SYT16: variants seen among roughly 807,000 people sequenced by gnomAD.
SYT16 encodes the protein synaptotagmin-16.
Under a neutral mutation model 61.4 loss-of-function variants are expected in SYT16, and 42 were observed. The observed-to-expected ratio is 0.68, with a 90% CI of 0.53 to 0.89. The LOEUF (loss-of-function observed/expected upper bound fraction) is 0.89. Among genes scored for constraint, SYT16 ranks in the 40% least tolerant of loss-of-function variants. SYT16 has a pLI of 0.00. For missense variants in SYT16, 804 were observed against 807.3 expected, an observed-to-expected ratio of 1.00 and a Z score of 0.05; for synonymous variants, 314 against 302.3, an observed-to-expected ratio of 1.04 and a Z score of -0.40.
At chr14:62,081,657 G>A (rs2056712457) in intron 6 of SYT16, among the ~76,000 whole-genome samples, 1 of 152,182 alleles carries the variant, frequency 6.6e-6, no homozygotes, top group African/African-American at 2.4e-5. Flanking sequence ...TAACGGGTAT[G>A]CTGGGGCAGA....
chr14:62,044,546 G>A (rs1406188825), intron 3 of SYT16, among the ~76,000 whole-genome samples: 1 of 152,112 alleles, frequency 6.6e-6, no homozygotes, highest in East Asian at 1.9e-4. Flanking sequence ...GTGAGAACAT[G>A]AGGTGTTTGG....
Position 61,858,834 on chromosome 14 carries a change from TTTC to T in SYT16, c.-325+46027_-325+46029del, listed in dbSNP as rs1429015191. ...TTAATGAAAAGCAGCCCCAAATCAT[TTTC>T]TTTTTTCTTTTCTTTTCTTTTCTTT... On this transcript the variant is annotated intron_variant, in intron 1 of 7. Transcript: ENST00000683842. 7.8e-4 allele frequency among the ~76,000 whole-genome samples: 118 copies of T among 151,470 alleles called. 4 individuals carry two copies. The South Asian group carries it at 0.024, about 31-fold the overall frequency.
intron 1 of SYT16, among the ~76,000 whole-genome samples, chr14:61,961,067 G>T (rs189488770): frequency 6.6e-6 from 1 of 152,278 alleles, no homozygotes; most frequent in African/African-American, 2.4e-5. Context: ...CTAGCCATGT[G>T]CAGGAAATTA....
intron 1 of SYT16, among the ~76,000 whole-genome samples, chr14:61,813,666 C>T (rs1038774983): frequency 2.0e-5 from 3 of 151,884 alleles, no homozygotes; most frequent in African/African-American, 7.3e-5. Context: ...TTTGGGAGGC[C>T]GAGGCGGGAG....
intron 3 of SYT16, among the ~76,000 whole-genome samples, chr14:62,003,589 T>C (rs532875761): frequency 6.6e-6 from 1 of 152,172 alleles, no homozygotes; most frequent in South Asian, 2.1e-4. Context: ...TTTGTTGTTG[T>C]TTAAAGAGTG....
At chr14:61,883,686 A>G (rs914323750) in intron 1 of SYT16, among the ~76,000 whole-genome samples, 3 of 152,214 alleles carry the variant, frequency 2.0e-5, no homozygotes, top group African/African-American at 7.2e-5. Context: ...ATATCCTTGT[A>G]GTAGTACCCC....
At chr14:61,838,311 G>A (rs1594732465) in intron 1 of SYT16, among the ~76,000 whole-genome samples, 1 of 152,092 alleles carries the variant, frequency 6.6e-6, no homozygotes, top group East Asian at 1.9e-4. Flanking sequence ...ATAAATTTGG[G>A]ATGGGGCCCA....
At chr14:61,936,471 A>G (rs556801033) in intron 1 of SYT16, among the ~76,000 whole-genome samples, 2 of 152,222 alleles carry the variant, frequency 1.3e-5, no homozygotes, top group East Asian at 1.9e-4. Flanking sequence ...CAAGGCGGCT[A>G]ATGAGTTCAC....
chr14:62,068,957 G>A (rs372170076), intron 3 of SYT16, among the ~76,000 whole-genome samples: 17 of 151,962 alleles, frequency 1.1e-4, no homozygotes, highest in African/African-American at 4.1e-4. Context: ...CACCGTGCCT[G>A]GCTAATTTTT....
chr14:61,820,341 G>A (rs2045572351), intron 1 of SYT16, among the ~76,000 whole-genome samples: 1 of 152,146 alleles, frequency 6.6e-6, no homozygotes, highest in South Asian at 2.1e-4. Flanking sequence ...AGAGGCAAGA[G>A]GGTTTTGAGC....
intron 1 of SYT16, among the ~76,000 whole-genome samples, chr14:61,955,728 G>A (rs955047556): frequency 2.6e-5 from 4 of 151,916 alleles, no homozygotes; most frequent in Non-Finnish European, 5.9e-5. Flanking sequence ...CTTGGCTATT[G>A]TGAATAATAC....
At chr14:62,094,632 C>T (rs1051733414) in intron 7 of SYT16, among the ~76,000 whole-genome samples, 13 of 152,116 alleles carry the variant, frequency 8.5e-5, no homozygotes, top group African/African-American at 2.6e-4. Flanking sequence ...ATGATAGCAA[C>T]GTTCCAGTTC....
intron 1 of SYT16, among the ~76,000 whole-genome samples, chr14:61,852,044 G>A (rs1035009124): frequency 2.6e-5 from 4 of 152,118 alleles, no homozygotes; most frequent in African/African-American, 7.2e-5. Context: ...AGTTTTTATA[G>A]TTTTGGGTTT....
intron 3 of SYT16, among the ~76,000 whole-genome samples, chr14:62,047,979 T>C (rs943492636): frequency 7.9e-5 from 12 of 152,250 alleles, no homozygotes; most frequent in Non-Finnish European, 1.6e-4. Flanking sequence ...ATCAGGATGA[T>C]GCTGGCCTCA....
At chr14:61,913,718 G>GTGTGTGTGTA (rs1319416587) in intron 1 of SYT16, among the ~76,000 whole-genome samples, 59 of 151,984 alleles carry the variant, frequency 3.9e-4, no homozygotes, top group African/African-American at 1.4e-3. Flanking sequence ...GTGTGTGTGT[G>GTGTGTGTGTA]TGTGTGTGTG....
At chr14:61,835,442 T>C (rs927063911) in intron 1 of SYT16, among the ~76,000 whole-genome samples, 3 of 151,698 alleles carry the variant, frequency 2.0e-5, no homozygotes, top group Admixed American at 6.6e-5. Context: ...GTATTCTTAG[T>C]AGAGATGGGG....
At chr14:61,818,032 C>A (rs1347903980) in intron 1 of SYT16, among the ~76,000 whole-genome samples, 2 of 152,156 alleles carry the variant, frequency 1.3e-5, no homozygotes, top group South Asian at 2.1e-4. Context: ...AATCTGTATT[C>A]TAGGCTTTAT....
upstream of SYT16, chr14:61,812,688 C>G (rs2045304077): frequency 6.8e-6 from 1 of 146,548 alleles, no homozygotes; most frequent in Non-Finnish European, 1.5e-5. Flanking sequence ...AGGGGCTGTG[C>G]GCGGCGCGGC....
intron 3 of SYT16, among the ~76,000 whole-genome samples, chr14:62,064,702 C>A (rs946559032): frequency 1.3e-5 from 2 of 152,100 alleles, no homozygotes; most frequent in Admixed American, 1.3e-4. Flanking sequence ...TGGCTCACTG[C>A]TTATAAACTG....
Sources: allele counts gnomAD v4.1 joint callset (sites outside exome capture counted in the v4.1 genomes callset), GRCh38; gene constraint gnomAD v4.1.1; transcripts MANE v1.5; gene names NCBI Gene and HGNC (gene_info 2026-07-23, HGNC 2026-07-21).